HACD3: variants seen among roughly 807,000 people sequenced by gnomAD.
HACD3 encodes the protein very-long-chain (3R)-3-hydroxyacyl-CoA dehydratase 3.
HACD3 carries 30 observed loss-of-function variants against 55.2 expected under a neutral mutation model. That is an observed-to-expected ratio of 0.54 (90% CI 0.41 to 0.74). The LOEUF (loss-of-function observed/expected upper bound fraction) is 0.74. Ranked by LOEUF, HACD3 falls within the 30% of genes least tolerant of loss-of-function variation. HACD3 has a pLI of 0.00. For missense variants in HACD3, 363 were observed against 440.1 expected, an observed-to-expected ratio of 0.82 and a Z score of 1.57; for synonymous variants, 141 against 151.7, an observed-to-expected ratio of 0.93 and a Z score of 0.52.
chr15:65,569,194 G>C (rs1386715884), intron 7 of HACD3, among the ~76,000 whole-genome samples: 1 of 148,538 alleles, frequency 6.7e-6, no homozygotes, highest in African/African-American at 2.5e-5. Context: ...CTTGCAGTGA[G>C]CCAAGATCGT....
intron 1 of HACD3, among the ~76,000 whole-genome samples, chr15:65,534,684 AC>A (rs1239173771): frequency 6.6e-6 from 1 of 152,096 alleles, no homozygotes; most frequent in Non-Finnish European, 1.5e-5. Context: ...CTAACTGAAC[AC>A]ATGAGATTGG....
In HACD3 at chr15:65,558,713, A is replaced by T. The variant is rs914995414; in HGVS notation, c.403A>T (p.Ser135Cys). Reference sequence around the variant, plus strand: ...GCGCCTAAATAAACTCCGACTGGAAAGCGAAGGCTCTCCTGAAAGTAAGTT... The same window carrying T: ...GCGCCTAAATAAACTCCGACTGGAATGCGAAGGCTCTCCTGAAAGTAAGTT... The part of the protein sequence containing the change: ...EERLNKLRLE[S>C]EGSPETLTNL... Residue 135 changes from serine (S) to cysteine (C), a missense_variant, in exon 5 of 11, where the codon AGC (serine) becomes TGC (cysteine). Coordinates refer to ENST00000261875, the MANE Select transcript of HACD3 (RefSeq NM_016395.4). 8 of 1,601,946 alleles carry T rather than the reference A, an allele frequency of 5.0e-6. No individual in the cohort carries two copies. The highest frequency in any genetic ancestry group is 2.7e-5 in the African/African-American group (2 of 74,752).
intron 1 of HACD3, among the ~76,000 whole-genome samples, chr15:65,539,441 G>A (rs985478230): frequency 6.6e-6 from 1 of 151,942 alleles, no homozygotes; most frequent in Non-Finnish European, 1.5e-5. Flanking sequence ...TGCTGGTCTC[G>A]AACTCCTGAC....
chr15:65,552,687 T>A (rs145069801), intron 2 of HACD3, among the ~76,000 whole-genome samples: 7,711 of 151,658 alleles, frequency 0.051, 628 homozygotes, highest in African/African-American at 0.17. Context: ...CTTTTTTTTT[T>A]AAATTTATTA....
intron 1 of HACD3, among the ~76,000 whole-genome samples, chr15:65,547,802 C>G (rs2072091995): frequency 2.0e-5 from 3 of 152,164 alleles, no homozygotes; most frequent in African/African-American, 7.2e-5. Flanking sequence ...GCCAGAGATT[C>G]TGAAAATGGG....
intron 5 of HACD3, among the ~76,000 whole-genome samples, chr15:65,560,231 G>A (rs1430420959): frequency 1.3e-5 from 2 of 152,124 alleles, no homozygotes; most frequent in African/African-American, 4.8e-5. Context: ...GGACCAACCA[G>A]ATGTCTTTGC....
At chr15:65,556,391 A>G (rs2072189514) in intron 3 of HACD3, among the ~76,000 whole-genome samples, 1 of 152,176 alleles carries the variant, frequency 6.6e-6, no homozygotes, top group Non-Finnish European at 1.5e-5. Flanking sequence ...AATAGAGTTC[A>G]CGCTCCTATG....
chr15:65,539,042 C>G (rs1358915584), intron 1 of HACD3, among the ~76,000 whole-genome samples: 4 of 152,034 alleles, frequency 2.6e-5, no homozygotes, highest in African/African-American at 9.7e-5. Flanking sequence ...TTGTGTGACT[C>G]ACTTTATTGT....
chr15:65,572,068 G>C (rs1040141063), intron 9 of HACD3, among the ~76,000 whole-genome samples, 167 bp from the exon 10 acceptor site: 3 of 152,146 alleles, frequency 2.0e-5, no homozygotes, highest in Non-Finnish European at 2.9e-5. Context: ...TGATCTCTTA[G>C]AAAAGTAGGG....
intron 1 of HACD3, 86 bp from the exon 2 acceptor site, chr15:65,551,590 A>T (rs777373071): frequency 8.9e-6 from 13 of 1,455,734 alleles, no homozygotes; most frequent in African/African-American, 2.8e-5. Context: ...CTTATGGGAG[A>T]GGGATGAGGG....
At chr15:65,537,666 G>A (rs1383690404) in intron 1 of HACD3, among the ~76,000 whole-genome samples, 6 of 150,720 alleles carry the variant, frequency 4.0e-5, no homozygotes, top group East Asian at 1.9e-4. Context: ...GGTGGCGGGC[G>A]CCTTTAATCC....
chr15:65,556,995 A>G lies in HACD3; in HGVS notation c.369+92A>G, dbSNP rs1395889596. The G allele has an allele frequency of 3.3e-6, 4 of 1,223,058 alleles. No individual in the cohort carries two copies. In the African/African-American group the frequency reaches 4.6e-5, roughly 14 times the overall value. The allele number at this position is 1,223,058 out of a possible 1,614,324, so 75.8% of individuals were successfully genotyped here. On this transcript the variant is annotated intron_variant, in intron 4 of 10. Transcript: ENST00000261875. ...CTTCAGATACCTCTCGGTCTGAAAG[A>G]ATAGCTACAAAGTTACAAATTCATT...
chr15:65,560,596 A>C (rs140187533), intron 5 of HACD3, among the ~76,000 whole-genome samples: 2 of 152,206 alleles, frequency 1.3e-5, no homozygotes, highest in African/African-American at 4.8e-5. Flanking sequence ...CAGGAGTTCG[A>C]GATCAGACTG....
At chr15:65,542,609 G>A (rs945477422) in intron 1 of HACD3, among the ~76,000 whole-genome samples, 12 of 152,062 alleles carry the variant, frequency 7.9e-5, no homozygotes, top group African/African-American at 2.7e-4. Context: ...TGCAAAACAC[G>A]CATATACAGA....
chr15:65,544,877 C>T (rs547642249), intron 1 of HACD3, among the ~76,000 whole-genome samples: 3 of 152,014 alleles, frequency 2.0e-5, no homozygotes, highest in South Asian at 2.1e-4. Context: ...CAAAATTAGC[C>T]GGGCGTGGTT....
intron 10 of HACD3, among the ~76,000 whole-genome samples, chr15:65,575,508 A>G (rs759111024): frequency 5.3e-5 from 8 of 152,140 alleles, no homozygotes; most frequent in Admixed American, 1.3e-4. Flanking sequence ...GTAGGCTTGA[A>G]TTAAAAATTA....
At chr15:65,535,868 T>G (rs764434890) in intron 1 of HACD3, 6 of 577,224 alleles carry the variant, frequency 1.0e-5, no homozygotes, top group Non-Finnish European at 1.9e-5. Context: ...TTTTTTAATT[T>G]TTTTAGAGGT....
intron 1 of HACD3, among the ~76,000 whole-genome samples, chr15:65,541,332 G>A (rs1354275986): frequency 6.6e-6 from 1 of 152,070 alleles, no homozygotes; most frequent in Non-Finnish European, 1.5e-5. Context: ...ATTACTTTGA[G>A]TATTTTTAAT....
At chr15:65,568,570 T>C (rs1596218196) in intron 7 of HACD3, among the ~76,000 whole-genome samples, 1 of 150,630 alleles carries the variant, frequency 6.6e-6, no homozygotes, top group Non-Finnish European at 1.5e-5. Flanking sequence ...TGTTGTCCAG[T>C]CTGGTCTTGA....
Sources: allele counts gnomAD v4.1 joint callset (sites outside exome capture counted in the v4.1 genomes callset), GRCh38; gene constraint gnomAD v4.1.1; transcripts MANE v1.5; gene names NCBI Gene and HGNC (gene_info 2026-07-23, HGNC 2026-07-21).